ALDH3B2: variants seen among roughly 807,000 people sequenced by gnomAD.
The protein encoded by ALDH3B2 is aldehyde dehydrogenase 3 family member B2.
Under a neutral mutation model 36.7 loss-of-function variants are expected in ALDH3B2, and 45 were observed. The ratio of observed to expected loss-of-function variants is 1.23; its 90% CI spans 0.97 to 1.57. The LOEUF is 1.57. Ranked by LOEUF, ALDH3B2 falls within the 40% of genes most tolerant of loss-of-function variation. The pLI is 0.00. For missense variants in ALDH3B2, 464 were observed against 513.3 expected (o/e 0.90, Z 0.93); for synonymous variants, 217 against 226.5 (o/e 0.96, Z 0.38).
chr11:67,672,892 CA>C (rs1856166033), intron 1 of ALDH3B2, among the ~76,000 whole-genome samples: 4 of 151,090 alleles, frequency 2.6e-5, no homozygotes, highest in Admixed American at 1.3e-4. Context: ...CGCCTGGCCA[CA>C]AAATGAACTT....
chr11:67,671,180 G>C (rs897577693), intron 1 of ALDH3B2: 3 of 152,308 alleles, frequency 2.0e-5, no homozygotes, highest in African/African-American at 7.2e-5. Context: ...GTTCATCCCA[G>C]GAACCTGGCC....
intron 1 of ALDH3B2, chr11:67,673,709 T>A (rs1172520855): frequency 6.6e-6 from 1 of 152,226 alleles, no homozygotes; most frequent in Non-Finnish European, 1.5e-5. Context: ...ACATCTCATC[T>A]GAGCCTCACA....
chr11:67,664,203 CTG>C, intron 8 of ALDH3B2, 191 bp downstream of exon 8: 2 of 834,582 alleles, frequency 2.4e-6, no homozygotes, highest in African/African-American at 3.4e-5. Flanking sequence ...CGCTAAGTGT[CTG>C]GTGGGTTTGG....
Position 67,663,644 on chromosome 11 carries a change from A to T in ALDH3B2, c.973+18T>A, listed in dbSNP as rs1855812763. The stretch of plus-strand genomic sequence containing the variant: ...CAAAGCCAAGCTTCCCTAGGGGTGG[A>T]AATGGGCAGGGACCCACCGACTCCC... On this transcript the variant is annotated intron_variant, in intron 9 of 9. Transcript: ENST00000349015. The T allele has an allele frequency of 6.2e-7, 1 of 1,600,466 alleles. No homozygotes were observed. Among genetic ancestry groups the T allele is most frequent in the South Asian group, 1.1e-5 (1 of 90,294 alleles).
chr11:67,675,585 GA>G (rs1384120699), upstream of ALDH3B2, among the ~76,000 whole-genome samples: 1 of 152,202 alleles, frequency 6.6e-6, no homozygotes, highest in Non-Finnish European at 1.5e-5. Context: ...GGACATCTGA[GA>G]TAACCCTTGG....
At chr11:67,666,909 G>C in exon 3 of ALDH3B2, 1 of 1,614,220 alleles carries the variant, frequency 6.2e-7, no homozygotes, top group Non-Finnish European at 8.5e-7. Flanking sequence ...GGCTCACCAG[G>C]TTCGTGGACC....
exon 8 of ALDH3B2, chr11:67,664,562 G>T (rs751944576): frequency 3.1e-6 from 5 of 1,612,928 alleles, no homozygotes; most frequent in African/African-American, 2.7e-5. Context: ...CACCGTGGGG[G>T]CTGCGGGCAC....
exon 4 of ALDH3B2, chr11:67,666,652 C>T (rs1855927014): frequency 3.1e-6 from 5 of 1,614,002 alleles, no homozygotes; most frequent in Non-Finnish European, 4.2e-6. Flanking sequence ...AGGACCAGGC[C>T]AAAGGGTTCC....
At chr11:67,677,380 A>G (rs546594974), upstream of ALDH3B2, among the ~76,000 whole-genome samples, 1 of 152,326 alleles carries the variant, frequency 6.6e-6, no homozygotes, top group South Asian at 2.1e-4. Context: ...AGATGCAGAA[A>G]AAGCATTTGA....
chr11:67,666,731 G>T (rs755447214), intron 3 of ALDH3B2, 37 bp from the exon 4 acceptor site: 1 of 1,612,732 alleles, frequency 6.2e-7, no homozygotes, highest in East Asian at 2.2e-5. Flanking sequence ...CCTGCCAAGG[G>T]CCACCCCAAA....
chr11:67,678,726 C>A (rs904727342), upstream of ALDH3B2, among the ~76,000 whole-genome samples: 17 of 147,020 alleles, frequency 1.2e-4, no homozygotes, highest in Middle Eastern at 7.2e-3. Context: ...TATATATACA[C>A]GCTATGGCAT....
intron 1 of ALDH3B2, among the ~76,000 whole-genome samples, chr11:67,671,703 C>T (rs756764753): frequency 1.3e-5 from 2 of 151,734 alleles, no homozygotes; most frequent in Non-Finnish European, 2.9e-5. Context: ...TGCACCACCA[C>T]GCCCAAATAA....
intron 9 of ALDH3B2, 90 bp from the exon 10 acceptor site, chr11:67,663,489 G>A: frequency 6.7e-7 from 1 of 1,496,190 alleles, no homozygotes; most frequent in Non-Finnish European, 9.1e-7. Context: ...CACACAGCTG[G>A]CAGGGAGCTC....
upstream of ALDH3B2, among the ~76,000 whole-genome samples, chr11:67,678,804 C>T (rs1856317793): frequency 3.4e-5 from 1 of 29,416 alleles, no homozygotes; most frequent in Non-Finnish European, 8.2e-5. Flanking sequence ...TATATATACA[C>T]TAATGGTATA....
In ALDH3B2 at chr11:67,665,115, G is replaced by A. The variant is rs146708786; in HGVS notation, c.706+170C>T. Among the ~76,000 whole-genome samples the A allele has an allele frequency of 5.6e-3, 859 of 152,336 alleles. 3 individuals are homozygous for A. Among genetic ancestry groups the A allele is most frequent in the Non-Finnish European group, 9.7e-3 (662 of 68,010 alleles). On this transcript the variant is annotated intron_variant, in intron 7 of 9. Coordinates refer to ENST00000349015, the Ensembl canonical transcript of ALDH3B2. ...CAGAGTATGGCCTCATGGGGCCACAGGCTCAGAAGCACAGAGACGGAATCG... is the reference window on the plus strand; with the variant it reads ...CAGAGTATGGCCTCATGGGGCCACAAGCTCAGAAGCACAGAGACGGAATCG...
At chr11:67,678,802 C>T (rs973931783), upstream of ALDH3B2, among the ~76,000 whole-genome samples, 34 of 39,548 alleles carry the variant, frequency 8.6e-4, no homozygotes, top group African/African-American at 2.3e-3. Context: ...TATATATATA[C>T]ACTAATGGTA....
chr11:67,664,845 G>T (rs1282268605), intron 7 of ALDH3B2, among the ~76,000 whole-genome samples: 2 of 152,226 alleles, frequency 1.3e-5, no homozygotes, highest in Non-Finnish European at 2.9e-5. Context: ...GAACCTTGGA[G>T]TTCATGAGGC....
intron 1 of ALDH3B2, among the ~76,000 whole-genome samples, chr11:67,672,933 C>CTTTTCT (rs1300767580): frequency 7.6e-5 from 9 of 118,346 alleles, no homozygotes; most frequent in Admixed American, 2.5e-4. Context: ...CTTTTCTTTT[C>CTTTTCT]TTTTTTTTTT....
At chr11:67,665,235 T>C (rs893114319) in intron 7 of ALDH3B2, 50 bp downstream of exon 7, 7 of 1,543,974 alleles carry the variant, frequency 4.5e-6, no homozygotes, top group Non-Finnish European at 5.2e-6. Flanking sequence ...GGCCCTCCAT[T>C]GAGAAAGGGT....
Sources: allele counts gnomAD v4.1 joint callset (sites outside exome capture counted in the v4.1 genomes callset), GRCh38; gene constraint gnomAD v4.1.1; transcripts MANE v1.5; gene names NCBI Gene and HGNC (gene_info 2026-07-23, HGNC 2026-07-21).